Variants in RPTOR observed in about 807,000 individuals in gnomAD.
RPTOR encodes regulatory-associated protein of mTOR.
A neutral mutation model predicts 169.9 loss-of-function variants in RPTOR; 21 were observed. The ratio of observed to expected loss-of-function variants is 0.12; its 90% CI spans 0.09 to 0.18. The LOEUF (loss-of-function observed/expected upper bound fraction) is 0.18, where lower values mean the gene tolerates loss of function less well. Among genes scored for constraint, RPTOR ranks in the 10% least tolerant of loss-of-function variants. The probability of loss-of-function intolerance (pLI) is 1.00; values close to 1 mark genes in which losing one functional copy is unlikely to be tolerated. For missense variants in RPTOR, 1,133 were observed against 1,855.9 expected (o/e 0.61, Z 7.16); for synonymous variants, 732 against 753.2 (o/e 0.97, Z 0.46).
At chr17:80,891,876 C>A (rs377674694) in intron 18 of RPTOR, 39 bp downstream of exon 18, 1 of 1,458,310 alleles carries the variant, frequency 6.9e-7, no homozygotes, top group East Asian at 2.3e-5. Context: ...GAGCACCTCG[C>A]CTGGCGGTTC....
At chr17:80,566,903 T>C (rs1213813025) in intron 1 of RPTOR, among the ~76,000 whole-genome samples, 4 of 151,890 alleles carry the variant, frequency 2.6e-5, no homozygotes, top group Non-Finnish European at 5.9e-5. Context: ...ATGATTATTT[T>C]AGTGTTAGTT....
intron 3 of RPTOR, among the ~76,000 whole-genome samples, chr17:80,686,096 G>A (rs918917683): frequency 6.6e-6 from 1 of 152,024 alleles, no homozygotes; most frequent in Admixed American, 6.5e-5. Context: ...GATGGGCCAT[G>A]GTTTATAGAG....
At position 80,544,982 on chromosome 17, in the gene RPTOR, C is replaced by T; in HGVS notation, c.-648C>T. The T allele has an allele frequency of 4.3e-6, 1 of 232,214 alleles. No individual in the cohort carries two copies. 14.4% of individuals were successfully genotyped at this position (232,214 alleles called of 1,614,324 possible). Reference sequence around the variant, plus strand: ...TCCGTGTCGCCCGTTTCTCAGGACTCGTTCTCAGGCAGGAGAGAGCCTCGG... The same window carrying T: ...TCCGTGTCGCCCGTTTCTCAGGACTTGTTCTCAGGCAGGAGAGAGCCTCGG... On this transcript the variant is annotated 5_prime_UTR_variant, in exon 1 of 34. Transcript: ENST00000306801.
chr17:80,724,415 G>C (rs1244924520), intron 4 of RPTOR, among the ~76,000 whole-genome samples: 1 of 151,160 alleles, frequency 6.6e-6, no homozygotes, highest in African/African-American at 2.5e-5. Flanking sequence ...GATCTGATTA[G>C]TAGGTGCTAA....
chr17:80,964,196 CCCCCCCG>C, intron 33 of RPTOR, 59 bp from the exon 34 acceptor site: 2 of 1,008,816 alleles, frequency 2.0e-6, no homozygotes, highest in Non-Finnish European at 3.0e-6. Context: ...TTGGCCTGCG[CCCCCCCG>C]CCCCCCGCAG....
chr17:80,718,590 G>A (rs773095503), intron 4 of RPTOR, among the ~76,000 whole-genome samples: 5 of 152,198 alleles, frequency 3.3e-5, no homozygotes, highest in African/African-American at 9.7e-5. Context: ...TGGAGAAGGC[G>A]GTGCTTGCTC....
intron 4 of RPTOR, among the ~76,000 whole-genome samples, chr17:80,719,256 G>A (rs182475658): frequency 1.3e-5 from 2 of 152,142 alleles, no homozygotes; most frequent in Non-Finnish European, 2.9e-5. Context: ...AAAATGGCAT[G>A]GGGGAAGCCG....
At chr17:80,740,983 T>A (rs2066477064) in intron 5 of RPTOR, among the ~76,000 whole-genome samples, 1 of 152,168 alleles carries the variant, frequency 6.6e-6, no homozygotes, top group South Asian at 2.1e-4. Flanking sequence ...TACAGTGAGG[T>A]GCTACCTCGC....
intron 13 of RPTOR, among the ~76,000 whole-genome samples, chr17:80,871,255 G>A (rs1469391434): frequency 2.0e-5 from 3 of 152,114 alleles, no homozygotes; most frequent in Non-Finnish European, 4.4e-5. Context: ...ATAGGCGCCC[G>A]CCACCACGCC....
intron 6 of RPTOR, among the ~76,000 whole-genome samples, chr17:80,785,002 T>G (rs943964269): frequency 2.6e-5 from 4 of 152,226 alleles, no homozygotes; most frequent in Non-Finnish European, 4.4e-5. Context: ...CTATTTTAAT[T>G]GTGTATTTAT....
rs767680027 is a variant in RPTOR, at chr17:80,908,802, C to G, written c.2402-9C>G. ...TTCCACTAAAACATCTTCCATTTCT[C>G]TCTCTCAGGAGTTTCCTTTAACAGT... On this transcript the variant is annotated splice_polypyrimidine_tract_variant and intron_variant, in intron 20 of 33. Transcript: ENST00000306801. 137 of 1,600,116 alleles carry G rather than the reference C, an allele frequency of 8.6e-5. No individual in the cohort carries two copies. The highest frequency in any genetic ancestry group is 3.0e-4 in the Admixed American group (18 of 59,708).
Position 80,940,614 on chromosome 17 carries a change from G to A in RPTOR, c.3025+13G>A, listed in dbSNP as rs372422032. On this transcript the variant is annotated intron_variant, in intron 25 of 33. Transcript: ENST00000306801. ...GTCATTCAGAAGGGTAAGGGCACCC[G>A]CACAGCCAGCCAGGGGCTCATTCCG... The A allele has an allele frequency of 1.1e-5, 18 of 1,593,278 alleles. No homozygotes were observed. The East Asian group carries it at 1.1e-4, about 10-fold the overall frequency.
intron 1 of RPTOR, among the ~76,000 whole-genome samples, chr17:80,596,094 A>G (rs2065142679): frequency 2.0e-5 from 3 of 152,212 alleles, no homozygotes. Flanking sequence ...GCACGTTGGA[A>G]AACATGGTCC....
At chr17:80,756,294 A>C (rs1375473185) in intron 6 of RPTOR, among the ~76,000 whole-genome samples, 2 of 152,068 alleles carry the variant, frequency 1.3e-5, no homozygotes, top group Non-Finnish European at 2.9e-5. Flanking sequence ...GCCAGATGCC[A>C]CTCTTTGACC....
chr17:80,837,563 G>A (rs2067578531), intron 9 of RPTOR, among the ~76,000 whole-genome samples: 1 of 152,246 alleles, frequency 6.6e-6, no homozygotes, highest in East Asian at 1.9e-4. Context: ...CACGTGGGCT[G>A]CCAGTACATG....
In RPTOR at chr17:80,874,998, C is replaced by T. The variant is rs147165995; in HGVS notation, c.1510-5417C>T. Among the ~76,000 whole-genome samples the T allele has an allele frequency of 5.0e-3, 760 of 152,308 alleles. 8 individuals are homozygous for T. The highest frequency in any genetic ancestry group is 0.029 in the South Asian group (140 of 4,822). On this transcript the variant is annotated intron_variant, in intron 13 of 33. Transcript: ENST00000306801. ...GGTAGGGTATTTGCGTGAAATCGCG[C>T]GTGGTAGGGTGTTCGCGTGAAATGG...
rs1054681956 is a variant in RPTOR at position 80,966,284 on chromosome 17, G to A, written c.*1954G>A. 5.6e-5 allele frequency: 13 copies of A among 232,556 alleles called. No homozygotes were observed. Among genetic ancestry groups the A allele is most frequent in the African/African-American group, 2.2e-4 (10 of 45,392 alleles). The allele number at this position is 232,556 out of a possible 1,614,324, so 14.4% of individuals were successfully genotyped here. ...ATTATCTATTTATTTTACCAAACGC[G>A]AATTGAGACGGACTTTGACAAAACA... On this transcript the variant is annotated 3_prime_UTR_variant, in exon 34 of 34. Coordinates refer to ENST00000306801, the MANE Select transcript of RPTOR (RefSeq NM_020761.3).
chr17:80,849,564 G>C (rs1402078184), intron 11 of RPTOR, among the ~76,000 whole-genome samples: 3 of 152,206 alleles, frequency 2.0e-5, no homozygotes, highest in Non-Finnish European at 4.4e-5. Context: ...CTGTTGCCCA[G>C]GCTGGAGTGC....
At chr17:80,804,497 C>T (rs1420808236) in intron 7 of RPTOR, 1 of 152,252 alleles carries the variant, frequency 6.6e-6, no homozygotes, top group Non-Finnish European at 1.5e-5. Context: ...TCCTTTCCTG[C>T]CTTCTGTTTC....
Sources: allele counts gnomAD v4.1 joint callset (sites outside exome capture counted in the v4.1 genomes callset), GRCh38; gene constraint gnomAD v4.1.1; transcripts MANE v1.5; gene names NCBI Gene and HGNC (gene_info 2026-07-23, HGNC 2026-07-21).